Variants in DYNC2I1 observed in about 807,000 individuals in gnomAD.
The protein encoded by DYNC2I1 is dynein 2 intermediate chain 1.
DYNC2I1 carries 89 observed loss-of-function variants against 133.4 expected under a neutral mutation model. The observed-to-expected ratio is 0.67, with a 90% confidence interval of 0.56 to 0.80. The LOEUF (loss-of-function observed/expected upper bound fraction) is 0.80, where lower values mean the gene tolerates loss of function less well. DYNC2I1 is among the 30% of genes least tolerant of loss of function. The probability of loss-of-function intolerance (pLI) is 0.00; values close to 1 mark genes in which losing one functional copy is unlikely to be tolerated. For synonymous variants in DYNC2I1, 504 were observed against 484.3 expected (o/e 1.04, Z -0.54); for missense variants, 1,291 against 1,314.5 (o/e 0.98, Z 0.28).
upstream of DYNC2I1, among the ~76,000 whole-genome samples, chr7:158,852,336 A>G (rs1323332759): frequency 2.0e-5 from 3 of 151,608 alleles, no homozygotes; most frequent in Admixed American, 2.0e-4. Context: ...TGGCCAGGCT[A>G]GTCTTGAATT....
intron 11 of DYNC2I1, 142 bp downstream of exon 11, chr7:158,906,233 GTGTTGAGATCTTA>G (rs1730988671): frequency 2.9e-6 from 2 of 683,802 alleles, no homozygotes; most frequent in Non-Finnish European, 4.9e-6. Flanking sequence ...CTACACTTTT[GTGTTGAGATCTTA>G]TGTTAGTAGA....
upstream of DYNC2I1, among the ~76,000 whole-genome samples, chr7:158,853,969 C>G (rs1244585750): frequency 6.7e-6 from 1 of 148,348 alleles, no homozygotes; most frequent in African/African-American, 2.5e-5. Context: ...TATTATTGCT[C>G]AAATCAGTGT....
chr7:158,877,227 A>C (rs1178724239), intron 4 of DYNC2I1, among the ~76,000 whole-genome samples: 1 of 143,378 alleles, frequency 7.0e-6, no homozygotes, highest in Non-Finnish European at 1.5e-5. Flanking sequence ...CTCTCGAGGC[A>C]CCTGCGGTTC....
intron 3 of DYNC2I1, among the ~76,000 whole-genome samples, chr7:158,874,121 G>A (rs1843129146): frequency 6.6e-6 from 1 of 152,098 alleles, no homozygotes; most frequent in Admixed American, 6.5e-5. Context: ...GCCCAGGCTG[G>A]TCTTGAACTG....
chr7:158,849,875 C>A, the DYNC2I1 span, among the ~76,000 whole-genome samples: 1 of 152,242 alleles, frequency 6.6e-6, no homozygotes, highest in African/African-American at 2.4e-5. Context: ...CCAAGGGCAG[C>A]CCAAAAGAGG....
intron 14 of DYNC2I1, among the ~76,000 whole-genome samples, chr7:158,915,201 G>A (rs1317339228): frequency 6.6e-5 from 10 of 150,478 alleles, no homozygotes; most frequent in East Asian, 6.0e-4. Context: ...ACCTCGACAC[G>A]CTGGTTGACA....
intron 7 of DYNC2I1, among the ~76,000 whole-genome samples, chr7:158,890,291 C>T (rs1459900224): frequency 1.3e-5 from 2 of 151,990 alleles, no homozygotes; most frequent in Non-Finnish European, 2.9e-5. Flanking sequence ...AGTGAGGTAA[C>T]CAATGGGATA....
the DYNC2I1 span, among the ~76,000 whole-genome samples, chr7:158,840,271 G>GA: frequency 6.6e-6 from 1 of 151,962 alleles, no homozygotes; most frequent in South Asian, 2.1e-4. Flanking sequence ...CAGAAATTAA[G>GA]AAAAAATGGT....
At chr7:158,877,945 C>T (rs534496422) in intron 4 of DYNC2I1, among the ~76,000 whole-genome samples, 9 of 152,298 alleles carry the variant, frequency 5.9e-5, no homozygotes, top group South Asian at 2.1e-4. Flanking sequence ...CCAGGGCTGG[C>T]GGAGCTTAGG....
chr7:158,864,095 A>AGCGG, intron 1 of DYNC2I1, among the ~76,000 whole-genome samples: 1 of 36,636 alleles, frequency 2.7e-5, no homozygotes, highest in African/African-American at 1.3e-4. Flanking sequence ...GTGTGGGGGG[A>AGCGG]GAGGGACGTC....
chr7:158,870,474 C>G (rs1000348599), intron 2 of DYNC2I1, among the ~76,000 whole-genome samples: 3 of 152,064 alleles, frequency 2.0e-5, no homozygotes, highest in Non-Finnish European at 4.4e-5. Context: ...CCACCTCAGT[C>G]TCTTGAGTAG....
At chr7:158,856,923 C>T (rs1047307190) in intron 1 of DYNC2I1, among the ~76,000 whole-genome samples, 173 bp downstream of exon 1, 3 of 152,030 alleles carry the variant, frequency 2.0e-5, no homozygotes, top group African/African-American at 7.2e-5. Flanking sequence ...GGAGGCGCGG[C>T]TGGCCGTCGG....
chr7:158,955,420 C>T lies in DYNC2I1; in HGVS notation c.*57-1163C>T, dbSNP rs937662535. ...TCCAACAGCTGAATTAATCGGCCCC[C>T]GATTTGGAAAAAGGTCCCCTAGGTT... On this transcript the variant is annotated intron_variant and NMD_transcript_variant, in intron 4 of 4. Transcript: ENST00000454771. Among the ~76,000 whole-genome samples, 13 of 152,306 alleles carry T rather than the reference C, an allele frequency of 8.5e-5. 1 individual carries two copies. In the Middle Eastern group the frequency reaches 0.01, roughly 120 times the overall value.
intron 5 of DYNC2I1, among the ~76,000 whole-genome samples, chr7:158,882,034 T>C (rs1447763078): frequency 6.6e-6 from 1 of 152,228 alleles, no homozygotes; most frequent in African/African-American, 2.4e-5. Flanking sequence ...TAAAGGTGAA[T>C]GTGAAAAATG....
rs1226663801 is a variant in DYNC2I1, at chr7:158,871,507, C to T, written c.435C>T (p.Gly145=). ...RQTVAHHNLL[G]QETRDRQLLE... The stretch of plus-strand genomic sequence containing the variant: ...CCGTGGCCCACCACAACCTGCTGGG[C>T]CAGGAGACACGCGACCGGCAGCTCC... Residue 145 remains glycine (G), a synonymous_variant, in exon 3 of 25, where the codon GGC becomes GGT. Coordinates refer to ENST00000407559, the MANE Select transcript of DYNC2I1 (RefSeq NM_018051.5). 1.9e-6 allele frequency: 3 copies of T among 1,546,646 alleles called. No individual in the cohort carries two copies. The highest frequency in any genetic ancestry group is 1.2e-5 in the South Asian group (1 of 84,028).
At chr7:158,841,462 C>G in the DYNC2I1 span, among the ~76,000 whole-genome samples, 1 of 151,984 alleles carries the variant, frequency 6.6e-6, no homozygotes, top group Admixed American at 6.6e-5. Flanking sequence ...ATTCGCCTGC[C>G]TCAGCCTTCC....
At chr7:158,890,015 A>AG (rs1357972780) in intron 7 of DYNC2I1, among the ~76,000 whole-genome samples, 5 of 150,888 alleles carry the variant, frequency 3.3e-5, no homozygotes, top group African/African-American at 1.2e-4. Context: ...CAAAAAAAAA[A>AG]AAAAAAAAAA....
chr7:158,883,921 C>G (rs1844329546), intron 5 of DYNC2I1, among the ~76,000 whole-genome samples: 3 of 151,966 alleles, frequency 2.0e-5, no homozygotes, highest in Admixed American at 2.0e-4. Context: ...GCCTCGGCCT[C>G]CCAAAGTGCT....
At chr7:158,878,762 G>A (rs1307947144) in intron 4 of DYNC2I1, among the ~76,000 whole-genome samples, 10 of 128,750 alleles carry the variant, frequency 7.8e-5, no homozygotes, top group Admixed American at 6.3e-4. Flanking sequence ...GGGGAGGCGA[G>A]GAGGGGAGGC....
Sources: gnomAD v4.1 joint callset for allele counts (sites outside exome capture counted in the v4.1 genomes callset) on GRCh38, gnomAD v4.1.1 for gene constraint, MANE v1.5 for transcripts, NCBI Gene and HGNC (gene_info 2026-07-23, HGNC 2026-07-21) for gene names.